UTP6: variants seen among roughly 807,000 people sequenced by gnomAD.
UTP6 encodes the protein U3 small nucleolar RNA-associated protein 6 homolog.
UTP6 carries 60 observed loss-of-function variants against 96.5 expected under a neutral mutation model. The observed-to-expected ratio is 0.62, with a 90% CI of 0.51 to 0.77. The LOEUF (loss-of-function observed/expected upper bound fraction) is 0.77, where lower values mean the gene tolerates loss of function less well. UTP6 is among the 30% of genes least tolerant of loss of function. The probability of loss-of-function intolerance (pLI) is 0.00; values close to 1 mark genes in which losing one functional copy is unlikely to be tolerated. For missense variants in UTP6, 637 were observed against 706.5 expected, an observed-to-expected ratio of 0.90 and a Z score of 1.12; for synonymous variants, 215 against 240.1, an observed-to-expected ratio of 0.90 and a Z score of 0.96.
At chr17:31,876,536 C>T (rs915061576) in intron 13 of UTP6, among the ~76,000 whole-genome samples, 19 of 151,474 alleles carry the variant, frequency 1.3e-4, no homozygotes, top group African/African-American at 3.9e-4. Flanking sequence ...TCCGGCTACT[C>T]GGGAGGCTGA....
Position 31,878,567 on chromosome 17 carries a change from A to G in UTP6, c.1047+135T>C, listed in dbSNP as rs1033780253. The G allele has an allele frequency of 6.7e-6, 6 of 899,968 alleles. No individual in the cohort carries two copies. The African/African-American group carries it at 6.7e-5, about 10-fold the overall frequency. The allele number at this position is 899,968 out of a possible 1,614,324, so 55.7% of individuals were successfully genotyped here. A position where few individuals can be genotyped will look rare whatever the true frequency, so the allele number is the denominator to read the frequency against. On this transcript the variant is annotated intron_variant, in intron 12 of 18. Transcript: ENST00000261708. ...ACTCAGACCTTTAGAATGTCACGTC[A>G]CCCACAAGGAGAGAGAGAGTGGCTA...
intron 7 of UTP6, among the ~76,000 whole-genome samples, chr17:31,888,471 G>A (rs1911279105): frequency 6.6e-6 from 1 of 152,126 alleles, no homozygotes; most frequent in African/African-American, 2.4e-5. Flanking sequence ...CACTTTCAGA[G>A]GCTGAGGCAG....
At chr17:31,892,126 GA>G in intron 6 of UTP6, 133 bp downstream of exon 6, 1 of 884,140 alleles carries the variant, frequency 1.1e-6, no homozygotes, top group Middle Eastern at 3.3e-4. Flanking sequence ...TATTCAGTAA[GA>G]AAAACTGCTG....
intron 2 of UTP6, among the ~76,000 whole-genome samples, chr17:31,895,767 C>T (rs1342542364): frequency 6.6e-6 from 1 of 151,968 alleles, no homozygotes; most frequent in Non-Finnish European, 1.5e-5. Context: ...CTCCCGACCT[C>T]GAGTGATCCA....
chr17:31,873,339 G>A (rs747238539), intron 16 of UTP6, 39 bp downstream of exon 16: 2 of 1,587,288 alleles, frequency 1.3e-6, no homozygotes, highest in South Asian at 1.1e-5. Flanking sequence ...TGAGCATGGG[G>A]TAGAGGGACT....
At chr17:31,880,800 A>T (rs1910787480) in intron 10 of UTP6, 46 bp from the exon 11 acceptor site, 1 of 1,608,836 alleles carries the variant, frequency 6.2e-7, no homozygotes. Flanking sequence ...CAAGAAACTG[A>T]CTCAGAATAT....
At chr17:31,892,082 G>C in intron 6 of UTP6, 178 bp downstream of exon 6, 1 of 622,290 alleles carries the variant, frequency 1.6e-6, no homozygotes, top group Non-Finnish European at 2.8e-6. Flanking sequence ...ACAGTAACTA[G>C]TATATAGTAG....
intron 7 of UTP6, chr17:31,887,951 G>A (rs1474728621): frequency 3.1e-5 from 3 of 95,706 alleles, no homozygotes; most frequent in African/African-American, 1.4e-4. Context: ...ACAAGAGTGA[G>A]ACTCCATCTC....
At position 31,899,148 on chromosome 17, in the gene UTP6, C is replaced by G. The variant is rs181678617; in HGVS notation, c.177+498G>C. On this transcript the variant is annotated intron_variant, in intron 2 of 18. Transcript: ENST00000261708. ...CCTGTCTCTACAAAAAACACAAAAG[C>G]TAGCCAGCCATACTGGCACACACCT... Among the ~76,000 whole-genome samples, 7 of 152,282 alleles carry G rather than the reference C, an allele frequency of 4.6e-5. No homozygotes were observed. In the East Asian group the frequency reaches 1.4e-3, roughly 29 times the overall value.
chr17:31,896,171 G>A (rs145915302), intron 2 of UTP6, among the ~76,000 whole-genome samples: 12 of 151,582 alleles, frequency 7.9e-5, no homozygotes, highest in African/African-American at 2.9e-4. Flanking sequence ...TCCGCCTCCC[G>A]GATTCAAGCA....
intron 6 of UTP6, 57 bp from the exon 7 acceptor site, chr17:31,889,460 A>C: frequency 7.0e-7 from 1 of 1,418,848 alleles, no homozygotes; most frequent in South Asian, 1.2e-5. Context: ...TCAGACAAGA[A>C]AAGAACCAAA....
chr17:31,873,855 TATAAA>T, intron 14 of UTP6, 102 bp from the exon 15 acceptor site: 1 of 1,321,036 alleles, frequency 7.6e-7, no homozygotes, highest in Non-Finnish European at 1.0e-6. Context: ...TTTTTTATGC[TATAAA>T]ATGACAGTTT....
Position 31,868,067 on chromosome 17 carries a change from C to A in UTP6, c.1542G>T (p.Met514Ile). Reference protein sequence around the residue: ...RPFSVDFFRKMIQFEKEQESC... With the variant: ...RPFSVDFFRKIIQFEKEQESC... The stretch of plus-strand genomic sequence containing the variant: ...TTACTTGCTCCTTTTCAAACTGAAT[C>A]ATTTTCCTGAAAAAGTCAACTGAAA... The change falls in exon 17 of 19, where the codon ATG becomes ATT. Residue 514 changes from methionine (M) to isoleucine (I), a missense_variant. Physicochemically the swap from Met to Ile is conservative, Grantham distance 10. Transcript: ENST00000261708. 6.2e-7 allele frequency: 1 copy of A among 1,613,360 alleles called. No individual in the cohort carries two copies. The highest frequency in any genetic ancestry group is 1.1e-5 in the South Asian group (1 of 90,996).
intron 11 of UTP6, chr17:31,880,149 C>T (rs949789064): frequency 5.7e-6 from 1 of 175,694 alleles, no homozygotes; most frequent in African/African-American, 2.4e-5. Flanking sequence ...CGGTGGCTCA[C>T]GCCTGTAATC....
intron 13 of UTP6, among the ~76,000 whole-genome samples, chr17:31,876,161 C>T (rs1362879786): frequency 1.3e-5 from 2 of 151,762 alleles, no homozygotes; most frequent in African/African-American, 4.8e-5. Flanking sequence ...CTCAGCCTCC[C>T]GAGTAGCTGG....
intron 17 of UTP6, 98 bp downstream of exon 17, chr17:31,867,948 T>C: frequency 8.3e-7 from 1 of 1,207,166 alleles, no homozygotes; most frequent in Non-Finnish European, 1.2e-6. Context: ...AGAGCGAGAC[T>C]CTGCCTCAAA....
chr17:31,881,167 T>C (rs1346784031), intron 10 of UTP6, among the ~76,000 whole-genome samples: 3 of 149,914 alleles, frequency 2.0e-5, no homozygotes, highest in Non-Finnish European at 4.4e-5. Context: ...CGAGACTCTG[T>C]CTCAAAAAAA....
intron 8 of UTP6, among the ~76,000 whole-genome samples, chr17:31,887,017 T>C (rs1911183755): frequency 6.6e-6 from 1 of 151,730 alleles, no homozygotes; most frequent in Admixed American, 6.6e-5. Context: ...AGTTTCAAAA[T>C]GTAACAACAT....
At chr17:31,867,957 A>G in intron 17 of UTP6, 89 bp downstream of exon 17, 2 of 1,388,870 alleles carry the variant, frequency 1.4e-6, no homozygotes, top group South Asian at 2.5e-5. Context: ...CTCTGCCTCA[A>G]AAAAAACAAA....
Sources: gnomAD v4.1 joint callset for allele counts (sites outside exome capture counted in the v4.1 genomes callset) on GRCh38, gnomAD v4.1.1 for gene constraint, MANE v1.5 for transcripts, NCBI Gene and HGNC (gene_info 2026-07-23, HGNC 2026-07-21) for gene names.